Variants in IL1RAPL1 observed in about 807,000 individuals in gnomAD.
The protein encoded by IL1RAPL1 is interleukin 1 receptor accessory protein like 1.
A neutral mutation model predicts 48.4 loss-of-function variants in IL1RAPL1; 3 were observed. The observed-to-expected ratio is 0.06, with a 90% CI of 0.03 to 0.16. IL1RAPL1 has a LOEUF of 0.16. IL1RAPL1 is among the 10% of genes least tolerant of loss of function. The pLI, the probability that IL1RAPL1 is intolerant of heterozygous loss-of-function variation, is 1.00. For missense variants in IL1RAPL1, 349 were observed against 530.6 expected, an observed-to-expected ratio of 0.66 and a Z score of 3.36; for synonymous variants, 185 against 187.7, an observed-to-expected ratio of 0.99 and a Z score of 0.12.
intron 2 of IL1RAPL1, among the ~76,000 whole-genome samples, chrX:29,160,110 T>C (rs1929652036): frequency 8.9e-6 from 1 of 112,140 alleles, no homozygotes; most frequent in African/African-American, 3.2e-5. Context: ...TTCTGAAAAA[T>C]TGCTTATTAA....
chrX:29,330,092 G>A (rs1932872695), intron 3 of IL1RAPL1, among the ~76,000 whole-genome samples: 1 of 111,108 alleles, frequency 9.0e-6, no homozygotes, highest in African/African-American at 3.3e-5. Context: ...CAATTACATG[G>A]TAGTGGTGGT....
At position 28,655,303 on chromosome X, in the gene IL1RAPL1, T is replaced by TA. The variant is rs144862065; in HGVS notation, c.-25+67268dup. Among the ~76,000 whole-genome samples the TA allele has an allele frequency of 1.7e-3, 178 of 103,933 alleles. No homozygotes were observed. In the Middle Eastern group the frequency reaches 0.03, roughly 18 times the overall value. The allele number at this position is 103,933 out of a possible 115,157, so 90.3% of individuals were successfully genotyped here. A position where few individuals can be genotyped will look rare whatever the true frequency, so the allele number is the denominator to read the frequency against. ...GTATAAATGAAACGAACAAAAATGGTAAAAAAAAAAAATTGATCTAGAATA... is the reference window on the plus strand; with the variant it reads ...GTATAAATGAAACGAACAAAAATGGTAAAAAAAAAAAAATTGATCTAGAATA... On this transcript the variant is annotated intron_variant, in intron 1 of 10. Transcript: ENST00000378993.
At chrX:29,705,062 T>A (rs2147117636) in intron 6 of IL1RAPL1, among the ~76,000 whole-genome samples, 1 of 111,855 alleles carries the variant, frequency 8.9e-6, no homozygotes, top group Admixed American at 9.5e-5. Context: ...CATATTAAAT[T>A]CATCGTTCAA....
At chrX:28,862,490 A>C (rs1921971809) in intron 2 of IL1RAPL1, among the ~76,000 whole-genome samples, 1 of 111,773 alleles carries the variant, frequency 8.9e-6, no homozygotes, top group South Asian at 3.8e-4. Flanking sequence ...AGTTATGTGA[A>C]AAGTATTTAC....
intron 6 of IL1RAPL1, among the ~76,000 whole-genome samples, chrX:29,862,039 C>T (rs1931596226): frequency 9.6e-6 from 1 of 104,682 alleles, no homozygotes; most frequent in African/African-American, 3.5e-5. Context: ...CCTGTCTCTA[C>T]AAAAAATTAA....
At chrX:29,162,841 G>C (rs915095323) in intron 2 of IL1RAPL1, among the ~76,000 whole-genome samples, 2 of 109,957 alleles carry the variant, frequency 1.8e-5, no homozygotes, top group Non-Finnish European at 3.8e-5. Context: ...TGGGAGGCCA[G>C]GGCAGGTGGA....
At chrX:29,496,093 T>G (rs1935209948) in intron 5 of IL1RAPL1, among the ~76,000 whole-genome samples, 1 of 111,978 alleles carries the variant, frequency 8.9e-6, no homozygotes, top group African/African-American at 3.2e-5. Flanking sequence ...AAACCATATT[T>G]TAATATACTG....
At chrX:29,393,723 T>TG (rs2147684337) in intron 3 of IL1RAPL1, among the ~76,000 whole-genome samples, 1 of 79,597 alleles carries the variant, frequency 1.3e-5, no homozygotes, top group Admixed American at 1.5e-4. Context: ...TTTTTGTTTT[T>TG]GTTTTTTTTT....
intron 5 of IL1RAPL1, among the ~76,000 whole-genome samples, chrX:29,624,785 G>A (rs1924568234): frequency 9.0e-6 from 1 of 111,505 alleles, no homozygotes; most frequent in African/African-American, 3.3e-5. Flanking sequence ...GGTCAAGGTT[G>A]CAATGAGCCA....
chrX:29,048,933 A>C (rs1181309841), intron 2 of IL1RAPL1, among the ~76,000 whole-genome samples: 1 of 112,534 alleles, frequency 8.9e-6, no homozygotes, highest in South Asian at 3.7e-4. Flanking sequence ...ATGGGTTTAG[A>C]ATGTATGTCT....
At chrX:29,285,399 G>A (rs1249849435) in intron 3 of IL1RAPL1, among the ~76,000 whole-genome samples, 1 of 107,309 alleles carries the variant, frequency 9.3e-6, no homozygotes, top group African/African-American at 3.4e-5. Flanking sequence ...GGGCATGATG[G>A]TGCATGCCTG....
chrX:29,442,336 C>T (rs1934556632), intron 5 of IL1RAPL1, among the ~76,000 whole-genome samples: 1 of 106,250 alleles, frequency 9.4e-6, no homozygotes, highest in African/African-American at 3.5e-5. Context: ...ACAAATGGTG[C>T]TGGGATAATT....
intron 6 of IL1RAPL1, among the ~76,000 whole-genome samples, chrX:29,879,357 ATGTGTGTGTGTG>A (rs370851302): frequency 7.4e-4 from 62 of 83,980 alleles, no homozygotes; most frequent in Middle Eastern, 5.7e-3. Context: ...AGTTTTATAT[ATGTGTGTGTGTG>A]TGTGTGTGTG....
chrX:29,804,918 TA>T (rs1474733014), intron 6 of IL1RAPL1, among the ~76,000 whole-genome samples: 7 of 112,142 alleles, frequency 6.2e-5, no homozygotes, highest in Non-Finnish European at 3.8e-5. Context: ...CATCTCTTCT[TA>T]AAAAAATAAT....
intron 5 of IL1RAPL1, among the ~76,000 whole-genome samples, chrX:29,453,043 A>C (rs764649546): frequency 9.7e-6 from 1 of 103,377 alleles, no homozygotes. Context: ...TCCTGCCTCA[A>C]CCTCTCAAGT....
chrX:29,163,477 T>A (rs1929727028), intron 2 of IL1RAPL1, among the ~76,000 whole-genome samples: 1 of 111,711 alleles, frequency 9.0e-6, no homozygotes, highest in Admixed American at 9.6e-5. Flanking sequence ...GGAAAGGTGT[T>A]CCAGCTCAGA....
chrX:28,629,618 G>A (rs1934377680), intron 1 of IL1RAPL1, among the ~76,000 whole-genome samples: 1 of 112,202 alleles, frequency 8.9e-6, no homozygotes, highest in African/African-American at 3.2e-5. Context: ...GGATAGTGGA[G>A]ATGGAAGAGC....
At chrX:29,228,897 TC>T (rs1245036586) in intron 2 of IL1RAPL1, among the ~76,000 whole-genome samples, 1 of 111,292 alleles carries the variant, frequency 9.0e-6, no homozygotes, top group Non-Finnish European at 1.9e-5. Context: ...AGGACTTCTT[TC>T]CTGCTCTGCT....
intron 5 of IL1RAPL1, among the ~76,000 whole-genome samples, chrX:29,532,829 G>T (rs1921088344): frequency 9.0e-6 from 1 of 111,676 alleles, no homozygotes; most frequent in African/African-American, 3.3e-5. Context: ...TACTTAACTT[G>T]CAGTAAGGTG....
Sources: gnomAD v4.1 joint callset for allele counts (sites outside exome capture counted in the v4.1 genomes callset) on GRCh38, gnomAD v4.1.1 for gene constraint, MANE v1.5 for transcripts, NCBI Gene and HGNC (gene_info 2026-07-23, HGNC 2026-07-21) for gene names.